The following NDRG4 variants were observed in gnomAD, a reference collection of about 807,000 sequenced individuals.
NDRG4 encodes the protein NDRG family member 4, also known as protein NDRG4.
Under a neutral mutation model 55.8 loss-of-function variants are expected in NDRG4, and 38 were observed. That is an observed-to-expected ratio of 0.68 (90% CI 0.53 to 0.89). The LOEUF is 0.89. NDRG4 is among the 40% of genes least tolerant of loss of function. NDRG4 has a pLI of 0.00. For synonymous variants in NDRG4, 190 were observed against 182.7 expected (o/e 1.04, Z -0.32); for missense variants, 455 against 468.6 (o/e 0.97, Z 0.27).
At chr16:58,499,304 G>A (rs1380791750), upstream of NDRG4, 1 of 152,336 alleles carries the variant, frequency 6.6e-6, no homozygotes, top group Non-Finnish European at 1.5e-5. Context: ...AGGTGGGCAT[G>A]TCAATGTCAG....
At chr16:58,502,110 G>C in intron 1 of NDRG4, 1 of 429,500 alleles carries the variant, frequency 2.3e-6, no homozygotes, top group South Asian at 1.6e-5. Flanking sequence ...ACTGGCACCT[G>C]GCAGGGCCTG....
intron 1 of NDRG4, among the ~76,000 whole-genome samples, chr16:58,474,632 C>T (rs2033380385): frequency 6.6e-6 from 1 of 152,206 alleles, no homozygotes; most frequent in Admixed American, 6.5e-5. Context: ...TTTGCCTCCC[C>T]TCCAGCACCC....
intron 1 of NDRG4, among the ~76,000 whole-genome samples, chr16:58,472,934 A>G (rs1597066273): frequency 6.6e-6 from 1 of 151,840 alleles, no homozygotes; most frequent in African/African-American, 2.4e-5. Context: ...GTGGCTTCTC[A>G]TTGGCTTTGC....
At chr16:58,470,467 C>T (rs566651375) in intron 1 of NDRG4, among the ~76,000 whole-genome samples, 25 of 152,260 alleles carry the variant, frequency 1.6e-4, no homozygotes, top group African/African-American at 5.5e-4. Flanking sequence ...GAATAATAGC[C>T]CCCAAAGATA....
intron 1 of NDRG4, chr16:58,465,131 G>A (rs2031332535): frequency 2.3e-6 from 3 of 1,281,984 alleles, no homozygotes; most frequent in South Asian, 1.2e-5. Flanking sequence ...TGTTCTCCCC[G>A]GTGTGGAGAG....
At position 58,464,242 on chromosome 16, in the gene NDRG4, T is replaced by A. The variant is rs538070621; in HGVS notation, c.-24+445T>A. The A allele has an allele frequency of 2.8e-5, 12 of 434,148 alleles. No individual in the cohort carries two copies. The highest frequency in any genetic ancestry group is 1.7e-4 in the South Asian group (2 of 11,644). 26.9% of individuals were successfully genotyped at this position (434,148 alleles called of 1,614,324 possible). On this transcript the variant is annotated intron_variant, in intron 1 of 15. Transcript: ENST00000258187. This position sits in a 1 kb window ranked among gnomAD's most constrained non-coding sequence, Gnocchi z 4.8. ...CGGCCATGCAATTGGTGGATTTTTTTAAACCGTTTTGGAGGGGGGAGCGCG... is the reference window on the plus strand; with the variant it reads ...CGGCCATGCAATTGGTGGATTTTTTAAAACCGTTTTGGAGGGGGGAGCGCG...
chr16:58,514,859 C>A (rs1354424746), downstream of NDRG4, among the ~76,000 whole-genome samples: 1 of 150,954 alleles, frequency 6.6e-6, no homozygotes, highest in Non-Finnish European at 1.5e-5. Flanking sequence ...CATTTTCTTA[C>A]ATTTAACAGC....
At chr16:58,475,518 T>G (rs1420629391) in intron 1 of NDRG4, 7 of 424,898 alleles carry the variant, frequency 1.6e-5, no homozygotes, top group Non-Finnish European at 2.8e-5. Context: ...CCAAGAAAAA[T>G]ATCCCAAGTT....
Position 58,513,168 on chromosome 16 carries a change from ATGTGTGTGTG to A in NDRG4, c.*1612_*1621del, listed in dbSNP as rs60858251. On this transcript the variant is annotated 3_prime_UTR_variant, in exon 15 of 15. Transcript: ENST00000570248. ...GTATCTATAAATATCTATACATTAT[ATGTGTGTGTG>A]TGTGTGTGTGTGTGTGTGTACATCG... 25 of 150,238 alleles carry A rather than the reference ATGTGTGTGTG, an allele frequency of 1.7e-4. No homozygotes were observed. Among genetic ancestry groups the A allele is most frequent in the East Asian group, 7.8e-4 (4 of 5,106 alleles). The allele number at this position is 150,238 out of a possible 1,614,324, so 9.3% of individuals were successfully genotyped here.
chr16:58,506,922 T>G lies in NDRG4; in HGVS notation c.527T>G (p.Val176Gly). ...TCTCCCTGGGCCTAGGAGGAGCTGG[T>G]GAACAACACAGAGTTGGTGCAGAGC... ...LSHLFSQEEL[V>G]NNTELVQSYR... The change falls in exon 8 of 15, where the codon GTG (valine) becomes GGG (glycine). Residue 176 changes from valine (V) to glycine (G), a missense_variant. Transcript: ENST00000570248. The G allele has an allele frequency of 6.2e-7, 1 of 1,613,950 alleles. No individual in the cohort carries two copies. Among genetic ancestry groups the G allele is most frequent in the South Asian group, 1.1e-5 (1 of 91,050 alleles).
chr16:58,487,923 C>A, intron 2 of NDRG4: 1 of 1,193,342 alleles, frequency 8.4e-7, no homozygotes, highest in Non-Finnish European at 1.1e-6. Context: ...AGACCGCGTG[C>A]CTTTCCTGCA....
intron 1 of NDRG4, among the ~76,000 whole-genome samples, chr16:58,480,133 G>T (rs1450564802): frequency 1.3e-5 from 2 of 152,078 alleles, no homozygotes; most frequent in African/African-American, 2.4e-5. Context: ...TTGTTTGTTT[G>T]TTTTTGAGAC....
chr16:58,496,125 G>A (rs895510439), upstream of NDRG4, among the ~76,000 whole-genome samples: 1 of 152,174 alleles, frequency 6.6e-6, no homozygotes, highest in African/African-American at 2.4e-5. Context: ...CACAGTGTGG[G>A]AGGCCGACGC....
At chr16:58,498,791 A>G (rs2518458), upstream of NDRG4, among the ~76,000 whole-genome samples, 140,957 of 152,174 alleles carry the variant, frequency 0.93, 65,435 homozygotes, top group South Asian at 0.96. Flanking sequence ...CTTTTCTGGC[A>G]GTTGTGCAGT....
chr16:58,506,439 A>G lies in NDRG4; in HGVS notation c.425A>G (p.Asn142Ser), dbSNP rs1416187728. 1.3e-5 allele frequency: 21 copies of G among 1,576,112 alleles called. No homozygotes were observed. Among genetic ancestry groups the G allele is most frequent in the Admixed American group, 1.7e-5 (1 of 58,428 alleles). Residue 142 changes from asparagine (N) to serine (S), a missense_variant, in exon 6 of 15, where the codon AAT becomes AGT. Asn to Ser is a conservative substitution (Grantham distance 46). Transcript: ENST00000570248. ...EGLVLVNIDP[N>S]GKGWIDWAAT... is the part of the protein sequence containing the mutation. ...CTGGTGCTGGTGAACATCGACCCCA[A>G]TGGCAAAGGCTGGATAGACTGGGCT...
At chr16:58,508,870 T>C (rs2038398145) in intron 10 of NDRG4, 92 bp from the exon 11 acceptor site, 1 of 1,433,636 alleles carries the variant, frequency 7.0e-7, no homozygotes, top group Non-Finnish European at 9.7e-7. Flanking sequence ...CTGCACCCCC[T>C]CTCCTCCCCG....
chr16:58,507,160 T>A (rs2038150846), intron 8 of NDRG4, 145 bp downstream of exon 8: 2 of 664,616 alleles, frequency 3.0e-6, no homozygotes, highest in Non-Finnish European at 5.4e-6. Context: ...GGTCATTTCC[T>A]GCACAAGGTC....
intron 1 of NDRG4, chr16:58,501,051 G>C: frequency 8.1e-7 from 1 of 1,238,438 alleles, no homozygotes; most frequent in African/African-American, 1.5e-5. Flanking sequence ...GTGGAGCCCA[G>C]GGCACCTCCT....
chr16:58,508,414 G>A (rs553366634), intron 10 of NDRG4, among the ~76,000 whole-genome samples: 7 of 152,362 alleles, frequency 4.6e-5, no homozygotes, highest in South Asian at 2.1e-4. Flanking sequence ...TTTGGGGGCC[G>A]TGTGTCACCT....
Sources: allele counts gnomAD v4.1 joint callset (sites outside exome capture counted in the v4.1 genomes callset), GRCh38; gene constraint gnomAD v4.1.1; non-coding constraint Gnocchi (gnomAD v3.1); transcripts MANE v1.5; gene names NCBI Gene and HGNC (gene_info 2026-07-23, HGNC 2026-07-21).